RELCH: variants seen among roughly 807,000 people sequenced by gnomAD.
The protein encoded by RELCH is RAB11 binding and LisH domain, coiled-coil and HEAT repeat containing.
A neutral mutation model predicts 150.3 loss-of-function variants in RELCH; 41 were observed. That is an observed-to-expected ratio of 0.27 (90% CI 0.21 to 0.35). The LOEUF (loss-of-function observed/expected upper bound fraction) is 0.35, where lower values mean the gene tolerates loss of function less well. Ranked by LOEUF, RELCH falls within the 10% of genes least tolerant of loss-of-function variation. RELCH has a pLI of 1.00. For missense variants in RELCH, 1,092 were observed against 1,467.8 expected (o/e 0.74, Z 4.18); for synonymous variants, 478 against 531.8 (o/e 0.90, Z 1.39).
intron 1 of RELCH, among the ~76,000 whole-genome samples, chr18:62,189,275 GT>G (rs200508195): frequency 1.6e-3 from 210 of 130,326 alleles, no homozygotes; most frequent in African/African-American, 5.1e-3. Context: ...TTTTTTTGTT[GT>G]TTTTTTTTTT....
chr18:62,298,093 T>TCCCCC (rs112080934), intron 27 of RELCH, among the ~76,000 whole-genome samples: 52 of 149,494 alleles, frequency 3.5e-4, no homozygotes, highest in African/African-American at 1.3e-3. Context: ...ATTTGCTTTA[T>TCCCCC]CCCCCCCCGT....
chr18:62,291,381 G>A (rs2045125571), intron 26 of RELCH, among the ~76,000 whole-genome samples, 162 bp from the exon 27 acceptor site: 1 of 152,134 alleles, frequency 6.6e-6, no homozygotes, highest in African/African-American at 2.4e-5. Flanking sequence ...AACTTACTCT[G>A]CAAATGAGGA....
chr18:62,280,293 C>T, intron 23 of RELCH: 2 of 1,321,804 alleles, frequency 1.5e-6, no homozygotes, highest in Non-Finnish European at 2.2e-6. Context: ...CATCCTCAGT[C>T]ACAGCTAACC....
intron 1 of RELCH, among the ~76,000 whole-genome samples, chr18:62,199,073 TA>T: frequency 6.6e-6 from 1 of 151,122 alleles, no homozygotes; most frequent in East Asian, 1.9e-4. Context: ...ATTATATTAA[TA>T]TTCTATTTTC....
intron 13 of RELCH, among the ~76,000 whole-genome samples, chr18:62,257,334 C>T (rs2043038890): frequency 1.3e-5 from 2 of 151,988 alleles, no homozygotes; most frequent in Non-Finnish European, 2.9e-5. Context: ...TAAAAAAGAG[C>T]AATGCAATTT....
At chr18:62,212,659 T>G (rs73456664) in intron 2 of RELCH, among the ~76,000 whole-genome samples, 1,782 of 152,278 alleles carry the variant, frequency 0.012, 27 homozygotes, top group East Asian at 0.052. Flanking sequence ...AGAACTGTTA[T>G]CTTGTTCCTC....
intron 1 of RELCH, among the ~76,000 whole-genome samples, chr18:62,199,567 A>G (rs182595974): frequency 1.6e-3 from 251 of 152,338 alleles, no homozygotes; most frequent in Non-Finnish European, 2.8e-3. Context: ...AGTTTCCTAA[A>G]CATTTATAAG....
chr18:62,268,178 C>G (rs2043692441), intron 19 of RELCH, among the ~76,000 whole-genome samples: 2 of 152,004 alleles, frequency 1.3e-5, no homozygotes, highest in African/African-American at 2.4e-5. Flanking sequence ...AAAACAGTGC[C>G]TCATGATCAG....
At chr18:62,251,380 G>A (rs1330973774) in intron 11 of RELCH, among the ~76,000 whole-genome samples, 2 of 152,168 alleles carry the variant, frequency 1.3e-5, no homozygotes, top group African/African-American at 2.4e-5. Context: ...TAGTCTGAGG[G>A]CTTCATCTCC....
At chr18:62,215,857 CTTAT>C (rs945874037) in intron 2 of RELCH, among the ~76,000 whole-genome samples, 43 of 152,132 alleles carry the variant, frequency 2.8e-4, no homozygotes, top group Middle Eastern at 3.4e-3. Context: ...TCTTGTCTTT[CTTAT>C]ATGAAACTAT....
Position 62,224,010 on chromosome 18 carries a change from G to A in RELCH, c.858+2513G>A, listed in dbSNP as rs187951102. On this transcript the variant is annotated intron_variant, in intron 5 of 28. Transcript: ENST00000644646. The stretch of plus-strand genomic sequence containing the variant: ...ATACTTTAAGTTCTAGGGTACATGT[G>A]CACAACGTGCAGGTTTGATACATAG... Among the ~76,000 whole-genome samples the A allele has an allele frequency of 8.0e-4, 122 of 151,912 alleles. 2 individuals carry two copies. In the East Asian group the frequency reaches 0.018, roughly 23 times the overall value.
intron 15 of RELCH, 130 bp from the exon 16 acceptor site, chr18:62,261,381 C>T: frequency 1.5e-6 from 1 of 685,008 alleles, no homozygotes; most frequent in Non-Finnish European, 2.4e-6. Context: ...TGCCTTACTG[C>T]TTGTTTGAGT....
chr18:62,230,584 G>GA lies in RELCH; in HGVS notation c.1449-607dup, dbSNP rs1175224318. ...CTACATAGAGACTGGTGTTGTTTTAGAAATATAAATGTTTTAACCTCCTTT... is the reference window on the plus strand; with the variant it reads ...CTACATAGAGACTGGTGTTGTTTTAGAAAATATAAATGTTTTAACCTCCTTT... On this transcript the variant is annotated intron_variant, in intron 8 of 28. Transcript: ENST00000644646. 2.0e-5 allele frequency among the ~76,000 whole-genome samples: 3 copies of GA among 152,092 alleles called. 1 individual carries two copies. The highest frequency in any genetic ancestry group is 4.8e-5 in the African/African-American group (2 of 41,516).
chr18:62,293,297 G>A (rs879623106), intron 27 of RELCH, among the ~76,000 whole-genome samples: 5 of 152,170 alleles, frequency 3.3e-5, no homozygotes, highest in Non-Finnish European at 7.3e-5. Context: ...ATGCAGTTGA[G>A]GGGGCTGGCA....
chr18:62,279,053 C>G (rs1399048360), intron 22 of RELCH, among the ~76,000 whole-genome samples: 3 of 152,082 alleles, frequency 2.0e-5, no homozygotes, highest in Non-Finnish European at 4.4e-5. Flanking sequence ...ATTCATAGCA[C>G]AACAGCCCTT....
chr18:62,255,005 G>T (rs2042922836), intron 12 of RELCH, among the ~76,000 whole-genome samples: 1 of 152,126 alleles, frequency 6.6e-6, no homozygotes. Flanking sequence ...TTAGGTTGAA[G>T]AAAGAAGACT....
intron 13 of RELCH, among the ~76,000 whole-genome samples, chr18:62,256,451 C>T (rs1240239264): frequency 6.6e-6 from 1 of 151,974 alleles, no homozygotes; most frequent in African/African-American, 2.4e-5. Context: ...ATAAATCATA[C>T]AGATTGATGC....
chr18:62,267,829 A>C lies in RELCH; in HGVS notation c.2681-1040A>C, dbSNP rs557467612. 2.0e-5 allele frequency among the ~76,000 whole-genome samples: 3 copies of C among 152,154 alleles called. No homozygotes were observed. The East Asian group carries it at 5.8e-4, about 29-fold the overall frequency. ...AAAACTGACAGCTTTTGGAATTATTAGTTAGCCATGAATGTTTAGCTGTTG... is the reference window on the plus strand; with the variant it reads ...AAAACTGACAGCTTTTGGAATTATTCGTTAGCCATGAATGTTTAGCTGTTG... On this transcript the variant is annotated intron_variant, in intron 19 of 28. Transcript: ENST00000644646.
chr18:62,280,757 C>A (rs1364175878), intron 24 of RELCH, 48 bp downstream of exon 24: 1 of 1,207,140 alleles, frequency 8.3e-7, no homozygotes, highest in Admixed American at 1.7e-5. Context: ...TTGATGTGGT[C>A]ATGATACATG....
Sources: allele counts gnomAD v4.1 joint callset (sites outside exome capture counted in the v4.1 genomes callset), GRCh38; gene constraint gnomAD v4.1.1; transcripts MANE v1.5; gene names NCBI Gene and HGNC (gene_info 2026-07-23, HGNC 2026-07-21).